AGAP1: variants seen among roughly 807,000 people sequenced by gnomAD.
AGAP1 encodes arf-GAP with GTPase, ANK repeat and PH domain-containing protein 1.
A neutral mutation model predicts 105.3 loss-of-function variants in AGAP1; 29 were observed. The ratio of observed to expected loss-of-function variants is 0.28; its 90% CI spans 0.21 to 0.38. The LOEUF (loss-of-function observed/expected upper bound fraction) is 0.38. AGAP1 is among the 10% of genes least tolerant of loss of function. The pLI is 1.00. For synonymous variants in AGAP1, 509 were observed against 485.9 expected (o/e 1.05, Z -0.63); for missense variants, 998 against 1,165.1 (o/e 0.86, Z 2.09).
In AGAP1 at chr2:235,872,156, A is replaced by G. The variant is rs987298197; in HGVS notation, c.1051-11189A>G. On this transcript the variant is annotated intron_variant, in intron 9 of 17. Coordinates refer to ENST00000304032, the MANE Select transcript of AGAP1 (RefSeq NM_001037131.3). This position sits in a 1 kb window ranked among gnomAD's most constrained non-coding sequence, Gnocchi z 4.5. ...CAATTCCTGTCCATGAAATGAGGAT[A>G]ATCAATGACCATCTGGTTGTCATGC... Among the ~76,000 whole-genome samples, 2 of 152,186 alleles carry G rather than the reference A, an allele frequency of 1.3e-5. No individual in the cohort carries two copies. The highest frequency in any genetic ancestry group is 4.8e-5 in the African/African-American group (2 of 41,442).
rs1305057592 is a variant in AGAP1, at chr2:236,090,431, G to A, written c.2115-29761G>A. ...AATATTCACATGTTTCTTCTAATTG[G>A]TAACAGATTAGAGGCATTTTATCTT... On this transcript the variant is annotated intron_variant, in intron 16 of 17. Coordinates refer to ENST00000304032, the MANE Select transcript of AGAP1 (RefSeq NM_001037131.3). This position sits in a 1 kb window ranked among gnomAD's most constrained non-coding sequence, Gnocchi z 4.3. Among the ~76,000 whole-genome samples the A allele has an allele frequency of 6.6e-6, 1 of 152,178 alleles. No homozygotes were observed. Among genetic ancestry groups the A allele is most frequent in the Non-Finnish European group, 1.5e-5 (1 of 68,022 alleles).
At chr2:235,629,027 G>A (rs1946734346) in intron 1 of AGAP1, among the ~76,000 whole-genome samples, 2 of 152,056 alleles carry the variant, frequency 1.3e-5, no homozygotes, top group Admixed American at 1.3e-4. Context: ...GGCCAGGCTG[G>A]TCTCAAACTC....
intron 13 of AGAP1, among the ~76,000 whole-genome samples, chr2:236,008,765 T>C (rs1246221421): frequency 6.6e-6 from 1 of 152,242 alleles, no homozygotes; most frequent in Admixed American, 6.5e-5. Flanking sequence ...AGTAAGAGGT[T>C]GAAGGAAGCC....
At chr2:235,618,098 A>C (rs945648269) in intron 1 of AGAP1, among the ~76,000 whole-genome samples, 2 of 151,980 alleles carry the variant, frequency 1.3e-5, no homozygotes, top group African/African-American at 4.8e-5. Context: ...CACATTTTGG[A>C]GGGTGGGATG....
chr2:235,644,715 C>G (rs116495640), intron 1 of AGAP1, among the ~76,000 whole-genome samples: 2 of 152,034 alleles, frequency 1.3e-5, no homozygotes, highest in African/African-American at 2.4e-5. Flanking sequence ...ACCTTGGTGC[C>G]AGAGTTCTGA....
chr2:235,497,886 G>A (rs766746160), intron 1 of AGAP1, among the ~76,000 whole-genome samples: 3 of 152,092 alleles, frequency 2.0e-5, no homozygotes, highest in Non-Finnish European at 2.9e-5. Flanking sequence ...GTGAGCCACC[G>A]TGCCCGGCCG....
rs1284271104 is a variant in AGAP1, at chr2:236,001,779, C to G, written c.1645+33156C>G. ...ACACCCCGTGGGTCTCCAGTTCTTC[C>G]ACAAGCTGTTTGAAAGGCCACAGGG... On this transcript the variant is annotated intron_variant, in intron 13 of 17. Transcript: ENST00000304032. The surrounding 1 kb of genome is among the most constrained non-coding windows in gnomAD (Gnocchi z 4.7). 6.6e-6 allele frequency among the ~76,000 whole-genome samples: 1 copy of G among 152,194 alleles called. No homozygotes were observed. The highest frequency in any genetic ancestry group is 1.5e-5 in the Non-Finnish European group (1 of 68,038).
intron 1 of AGAP1, among the ~76,000 whole-genome samples, chr2:235,591,295 C>T (rs1333500995): frequency 2.0e-5 from 3 of 152,172 alleles, no homozygotes; most frequent in Admixed American, 2.0e-4. Context: ...GGACTGCAGG[C>T]GTGAGCCACT....
chr2:235,802,367 A>C (rs1957535907), intron 8 of AGAP1, among the ~76,000 whole-genome samples: 1 of 152,208 alleles, frequency 6.6e-6, no homozygotes, highest in Non-Finnish European at 1.5e-5. Context: ...TTAATGTGTC[A>C]CATAATATAA....
chr2:235,917,679 T>C (rs746775781), intron 11 of AGAP1, among the ~76,000 whole-genome samples: 36 of 152,138 alleles, frequency 2.4e-4, no homozygotes, highest in Non-Finnish European at 4.6e-4. Context: ...GCGGCTCTGT[T>C]GCTGCTCCCG....
In AGAP1 at chr2:235,887,132, A is replaced by G. The variant is rs530529281; in HGVS notation, c.1155+3683A>G. Among the ~76,000 whole-genome samples the G allele has an allele frequency of 6.6e-6, 1 of 152,258 alleles. No individual in the cohort carries two copies. Among genetic ancestry groups the G allele is most frequent in the Non-Finnish European group, 1.5e-5 (1 of 68,024 alleles). On this transcript the variant is annotated intron_variant, in intron 10 of 17. Coordinates refer to ENST00000304032, the MANE Select transcript of AGAP1 (RefSeq NM_001037131.3). The surrounding 1 kb of genome is among the most constrained non-coding windows in gnomAD (Gnocchi z 4.1). The stretch of plus-strand genomic sequence containing the variant: ...AAATTTCAAAAGATCGTAGAACCAG[A>G]TGATCTCAGTTAAACACGGACCATG...
chr2:236,108,499 C>T (rs368227074), intron 16 of AGAP1, among the ~76,000 whole-genome samples: 2 of 152,182 alleles, frequency 1.3e-5, no homozygotes, highest in East Asian at 3.8e-4. Context: ...TTGAAAATCA[C>T]TGCCAAACTC....
At chr2:235,884,216 C>G (rs1467477305) in intron 10 of AGAP1, among the ~76,000 whole-genome samples, 2 of 152,090 alleles carry the variant, frequency 1.3e-5, no homozygotes, top group African/African-American at 4.8e-5. Flanking sequence ...CCCTCAGTAT[C>G]TATGGGGGAT....
At chr2:235,619,932 C>T (rs1309309452) in intron 1 of AGAP1, among the ~76,000 whole-genome samples, 1 of 152,078 alleles carries the variant, frequency 6.6e-6, no homozygotes, top group Admixed American at 6.5e-5. Context: ...GAGCCTTGGC[C>T]ACTGCTGGCG....
rs868431300 is a variant in AGAP1, at chr2:235,951,121, G to T, written c.1484-17341G>T. 2.0e-5 allele frequency among the ~76,000 whole-genome samples: 3 copies of T among 152,110 alleles called. No homozygotes were observed. The highest frequency in any genetic ancestry group is 7.2e-5 in the African/African-American group (3 of 41,434). On this transcript the variant is annotated intron_variant, in intron 12 of 17. Transcript: ENST00000304032. The surrounding 1 kb of genome is among the most constrained non-coding windows in gnomAD (Gnocchi z 4.2). ...TAATTCTGGAGGTTGCACTCTGAAT[G>T]ATTTCTTATTTTGTGGAAAATACGA...
chr2:236,037,854 T>A (rs1296684580), intron 14 of AGAP1, among the ~76,000 whole-genome samples: 2 of 152,204 alleles, frequency 1.3e-5, no homozygotes, highest in South Asian at 2.1e-4. Flanking sequence ...GGAGAGCATT[T>A]TGATATTTCA....
At chr2:235,980,853 G>A (rs2055062434) in intron 13 of AGAP1, among the ~76,000 whole-genome samples, 2 of 152,138 alleles carry the variant, frequency 1.3e-5, no homozygotes, top group Non-Finnish European at 2.9e-5. Context: ...CTTGAAGTCT[G>A]GGGACATTTG....
rs980630273 is a variant in AGAP1 at position 235,719,177 on chromosome 2, G to C, written c.310+1533G>C. Among the ~76,000 whole-genome samples the C allele has an allele frequency of 2.6e-5, 4 of 152,164 alleles. No homozygotes were observed. The highest frequency in any genetic ancestry group is 2.6e-4 in the Admixed American group (4 of 15,280). On this transcript the variant is annotated intron_variant, in intron 3 of 17. Transcript: ENST00000304032. This position sits in a 1 kb window ranked among gnomAD's most constrained non-coding sequence, Gnocchi z 4.9. Reference sequence around the variant, plus strand: ...GACCACAGGAAGTTACATGAGTCGGGCCTGGTTTTGTTGCTGTTGCTCTGG... The same window carrying C: ...GACCACAGGAAGTTACATGAGTCGGCCCTGGTTTTGTTGCTGTTGCTCTGG...
chr2:235,656,466 A>T (rs1279459573), intron 1 of AGAP1, among the ~76,000 whole-genome samples: 1 of 151,872 alleles, frequency 6.6e-6, no homozygotes, highest in Non-Finnish European at 1.5e-5. Context: ...CTCCACCCTG[A>T]CTCATTTCAA....
Sources: allele counts gnomAD v4.1 joint callset (sites outside exome capture counted in the v4.1 genomes callset), GRCh38; gene constraint gnomAD v4.1.1; non-coding constraint Gnocchi (gnomAD v3.1); transcripts MANE v1.5; gene names NCBI Gene and HGNC (gene_info 2026-07-23, HGNC 2026-07-21).